The following WNT4 variants were observed in gnomAD, a reference collection of about 807,000 sequenced individuals.
WNT4 encodes the protein protein Wnt-4.
In WNT4, 16 loss-of-function variants were observed where a neutral mutation model predicts 34.5. The observed-to-expected ratio is 0.46, with a 90% CI of 0.31 to 0.70. The LOEUF (loss-of-function observed/expected upper bound fraction) is 0.70, where lower values mean the gene tolerates loss of function less well. Among genes scored for constraint, WNT4 ranks in the 30% least tolerant of loss-of-function variants. The probability of loss-of-function intolerance (pLI) is 0.04; values close to 1 mark genes in which losing one functional copy is unlikely to be tolerated. For synonymous variants in WNT4, 200 were observed against 211.9 expected (o/e 0.94, Z 0.49); for missense variants, 379 against 495.9 (o/e 0.76, Z 2.24).
In WNT4 at chr1:22,142,791, GC is replaced by G; in HGVS notation, c.77+54del. 4 of 1,022,568 alleles carry G rather than the reference GC, an allele frequency of 3.9e-6. No homozygotes were observed. Among genetic ancestry groups the G allele is most frequent in the Admixed American group, 5.3e-5 (1 of 18,982 alleles). The allele number at this position is 1,022,568 out of a possible 1,614,324, so 63.3% of individuals were successfully genotyped here. A position where few individuals can be genotyped will look rare whatever the true frequency, so the allele number is the denominator to read the frequency against. On this transcript the variant is annotated intron_variant, in intron 1 of 4. Transcript: ENST00000290167. This position sits in a 1 kb window ranked among gnomAD's most constrained non-coding sequence, Gnocchi z 6.0. ...CCCGCGCCGCCTGGCACCGGCCGCT[GC>G]CCCCGGGGCCTGCCCCGCCCCGCCC...
rs556211257 is a variant in WNT4, at chr1:22,121,383, C to T, written c.446-30G>A. On this transcript the variant is annotated intron_variant, in intron 3 of 4. Coordinates refer to ENST00000290167, the MANE Select transcript of WNT4 (RefSeq NM_030761.5). ...GGTGTGGTGGGCACAGAAAGGGCTG[C>T]GGTGAGTGAGGGCCAGGGCCAAGCC... is the stretch of plus-strand genomic sequence containing the variant. 3.9e-4 allele frequency: 630 copies of T among 1,613,918 alleles called. 5 individuals carry two copies. In the South Asian group the frequency reaches 6.1e-3, roughly 16 times the overall value.
intron 1 of WNT4, among the ~76,000 whole-genome samples, chr1:22,135,093 T>C (rs1646012044): frequency 6.6e-6 from 1 of 152,066 alleles, no homozygotes; most frequent in African/African-American, 2.4e-5. Context: ...GTGGAGGGGA[T>C]GGTGCTGCTA....
rs564643197 is a variant in WNT4, at chr1:22,139,987, T to C, written c.77+2859A>G. ...TCAGGCTGCCCTCCCAGCTCCAGGC[T>C]CCATCCTGCCCAACAGCTGCACGCG... On this transcript the variant is annotated intron_variant, in intron 1 of 4. Transcript: ENST00000290167. The surrounding 1 kb of genome is among the most constrained non-coding windows in gnomAD (Gnocchi z 4.6). 6.6e-6 allele frequency among the ~76,000 whole-genome samples: 1 copy of C among 152,286 alleles called. No individual in the cohort carries two copies. The highest frequency in any genetic ancestry group is 2.4e-5 in the African/African-American group (1 of 41,556).
At chr1:22,136,841 T>A (rs1009054094) in intron 1 of WNT4, among the ~76,000 whole-genome samples, 1 of 152,098 alleles carries the variant, frequency 6.6e-6, no homozygotes, top group African/African-American at 2.4e-5. Context: ...AAGAACCCCC[T>A]CACACTCATG....
Position 22,129,856 on chromosome 1 carries a change from G to A in WNT4, c.78-5C>T. On this transcript the variant is annotated splice_polypyrimidine_tract_variant and splice_region_variant and intron_variant, in intron 1 of 4. Coordinates refer to ENST00000290167, the MANE Select transcript of WNT4 (RefSeq NM_030761.5). ...GACGACAGCTTGGCCAGGTACCTGG[G>A]GAGAGGGTGACACGTGATGCAGAGC... The A allele has an allele frequency of 6.2e-7, 1 of 1,613,424 alleles. No homozygotes were observed. The highest frequency in any genetic ancestry group is 8.5e-7 in the Non-Finnish European group (1 of 1,180,004).
intron 2 of WNT4, 43 bp from the exon 3 acceptor site, chr1:22,121,619 C>T (rs769685831): frequency 6.2e-7 from 1 of 1,602,956 alleles, no homozygotes; most frequent in Admixed American, 1.7e-5. Context: ...CCCAGGGCTC[C>T]TCCCTGCACC....
chr1:22,128,712 CTACTTTTTTTTTCT>C (rs1361834971), intron 2 of WNT4, among the ~76,000 whole-genome samples: 1 of 151,852 alleles, frequency 6.6e-6, no homozygotes, highest in East Asian at 1.9e-4. Context: ...CTACCACTTT[CTACTTTTTTTTTCT>C]TTTTTTTTTT....
intron 2 of WNT4, among the ~76,000 whole-genome samples, chr1:22,129,049 T>C (rs1013288286): frequency 6.6e-6 from 1 of 152,198 alleles, no homozygotes; most frequent in African/African-American, 2.4e-5. Context: ...TCTGTGACCT[T>C]GGGCAAGTTA....
rs1557922250 is a variant in WNT4 at position 22,120,397 on chromosome 1, TCTC to T, written c.706_708del (p.Glu236del). ...TCCACCTCAGTGGCACCATCAAACT[TCTC>T]CTTCAGTGCGTGACCCACCTGGCGG... On this transcript the variant is annotated inframe_deletion, in exon 5 of 5. Transcript: ENST00000290167. 4 of 1,613,880 alleles carry T rather than the reference TCTC, an allele frequency of 2.5e-6. No individual in the cohort carries two copies. The highest frequency in any genetic ancestry group is 1.7e-5 in the Admixed American group (1 of 60,008).
At chr1:22,122,893 GC>G (rs1388648531) in intron 2 of WNT4, among the ~76,000 whole-genome samples, 2 of 152,200 alleles carry the variant, frequency 1.3e-5, no homozygotes, top group Non-Finnish European at 2.9e-5. Flanking sequence ...CGGCCCTTGA[GC>G]TGGCGATAGT....
chr1:22,140,322 A>C lies in WNT4; in HGVS notation c.77+2524T>G. 2 of 972,380 alleles carry C rather than the reference A, an allele frequency of 2.1e-6. No individual in the cohort carries two copies. The highest frequency in any genetic ancestry group is 1.7e-5 in the African/African-American group (1 of 57,158). 60.2% of individuals were successfully genotyped at this position (972,380 alleles called of 1,614,324 possible). A position where few individuals can be genotyped will look rare whatever the true frequency, so the allele number is the denominator to read the frequency against. On this transcript the variant is annotated intron_variant, in intron 1 of 4. Coordinates refer to ENST00000290167, the MANE Select transcript of WNT4 (RefSeq NM_030761.5). The surrounding 1 kb of genome is among the most constrained non-coding windows in gnomAD (Gnocchi z 5.9). ...CATTTACCAGCTGGGTGACTTGGGCAGTTACCTCTGCGATCCCCAATCTTC... is the reference window on the plus strand; with the variant it reads ...CATTTACCAGCTGGGTGACTTGGGCCGTTACCTCTGCGATCCCCAATCTTC...
At position 22,120,328 on chromosome 1, in the gene WNT4, C is replaced by T. The variant is rs771435726; in HGVS notation, c.778G>A (p.Ala260Thr). 5.9e-5 allele frequency: 95 copies of T among 1,614,226 alleles called. 1 individual carries two copies. The South Asian group carries it at 8.1e-4, about 14-fold the overall frequency. ...TCATCTGTGTGCGGCTTGAACTGTG[C>T]GTTGCGTGGCACCAGTGCCCTGGAG... The part of the protein sequence containing the change: ...GSSRALVPRN[A>T]QFKPHTDEDL... Residue 260 changes from alanine (A) to threonine (T), a missense_variant, in exon 5 of 5, where the codon GCA (alanine) becomes ACA (threonine). Ala to Thr is a moderately conservative substitution (Grantham distance 58). Around this residue, in one of 2 missense-constraint regions of WNT4, gnomAD observed 313 missense variants for 445.8 expected, o/e 0.70. Transcript: ENST00000290167.
In WNT4 at chr1:22,134,718, A is replaced by C. The variant is rs183055914; in HGVS notation, c.78-4867T>G. Among the ~76,000 whole-genome samples the C allele has an allele frequency of 6.6e-4, 101 of 152,280 alleles. 1 individual carries two copies. The highest frequency in any genetic ancestry group is 2.2e-3 in the African/African-American group (90 of 41,550). The stretch of plus-strand genomic sequence containing the variant: ...CTCGTCCCTGCTGCAGCATTGTCCT[A>C]GCAGCACCTTCAAGATGCTCACTGT... On this transcript the variant is annotated intron_variant, in intron 1 of 4. Transcript: ENST00000290167. The surrounding 1 kb of genome is among the most constrained non-coding windows in gnomAD (Gnocchi z 4.1).
Position 22,142,462 on chromosome 1 carries a change from G to T in WNT4, c.77+384C>A, listed in dbSNP as rs1646077632. ...GATTAACCTGCTATTATGTCCCGGA[G>T]CCCTTCCCTGCAATGGGCTTCCTCA... On this transcript the variant is annotated intron_variant, in intron 1 of 4. Transcript: ENST00000290167. The surrounding 1 kb of genome is among the most constrained non-coding windows in gnomAD (Gnocchi z 6.0). 6.6e-6 allele frequency among the ~76,000 whole-genome samples: 1 copy of T among 152,226 alleles called. No homozygotes were observed. Among genetic ancestry groups the T allele is most frequent in the Non-Finnish European group, 1.5e-5 (1 of 68,042 alleles).
chr1:22,122,636 C>T (rs58543510), intron 2 of WNT4, among the ~76,000 whole-genome samples: 3,662 of 152,144 alleles, frequency 0.024, 135 homozygotes, highest in East Asian at 0.12. Flanking sequence ...TGTGACTGTC[C>T]TTCTGTCTCT....
chr1:22,136,593 C>T (rs142910297), intron 1 of WNT4, among the ~76,000 whole-genome samples: 2 of 152,174 alleles, frequency 1.3e-5, no homozygotes, highest in Non-Finnish European at 2.9e-5. Flanking sequence ...CTCATCCCCC[C>T]AGCAGAGAAT....
At chr1:22,123,029 C>T (rs1355170494) in intron 2 of WNT4, among the ~76,000 whole-genome samples, 5 of 152,342 alleles carry the variant, frequency 3.3e-5, no homozygotes, top group Admixed American at 6.5e-5. Flanking sequence ...CCGAGTTAAT[C>T]GAGGTTAATA....
rs1646056103 is a variant in WNT4 at position 22,140,275 on chromosome 1, C to A, written c.77+2571G>T. 6 of 985,490 alleles carry A rather than the reference C, an allele frequency of 6.1e-6. No individual in the cohort carries two copies. Among genetic ancestry groups the A allele is most frequent in the Admixed American group, 6.1e-5 (1 of 16,294 alleles). The allele number at this position is 985,490 out of a possible 1,614,324, so 61.0% of individuals were successfully genotyped here. A position where few individuals can be genotyped will look rare whatever the true frequency, so the allele number is the denominator to read the frequency against. On this transcript the variant is annotated intron_variant, in intron 1 of 4. Coordinates refer to ENST00000290167, the MANE Select transcript of WNT4 (RefSeq NM_030761.5). The surrounding 1 kb of genome is among the most constrained non-coding windows in gnomAD (Gnocchi z 5.9). The stretch of plus-strand genomic sequence containing the variant: ...CCGAAGCTTTTCCTTCTAGAGGCAG[C>A]TTTTCAGTCGGACACCTCTGGCATT...
intron 1 of WNT4, among the ~76,000 whole-genome samples, chr1:22,135,832 G>GCTCA (rs1355546930): frequency 2.0e-5 from 3 of 152,172 alleles, no homozygotes; most frequent in African/African-American, 7.2e-5. Flanking sequence ...GGCGGAGAGA[G>GCTCA]AGAACGGCCT....
Sources: gnomAD v4.1 joint callset for allele counts (sites outside exome capture counted in the v4.1 genomes callset) on GRCh38, gnomAD v4.1.1 for gene constraint, gnomAD v4.1.1 regional missense constraint, Gnocchi (gnomAD v3.1) non-coding constraint, MANE v1.5 for transcripts, NCBI Gene and HGNC (gene_info 2026-07-23, HGNC 2026-07-21) for gene names.